Variants in SGIP1 observed in about 807,000 individuals in gnomAD.
The protein encoded by SGIP1 is SH3-containing GRB2-like protein 3-interacting protein 1.
A neutral mutation model predicts 107.5 loss-of-function variants in SGIP1; 38 were observed. That is an observed-to-expected ratio of 0.35 (90% CI 0.27 to 0.46). The LOEUF (loss-of-function observed/expected upper bound fraction) is 0.46. SGIP1 is among the 20% of genes least tolerant of loss of function. The pLI is 1.00. For synonymous variants in SGIP1, 365 were observed against 366.1 expected, an observed-to-expected ratio of 1.00 and a Z score of 0.03; for missense variants, 929 against 1,019.5, an observed-to-expected ratio of 0.91 and a Z score of 1.21.
intron 1 of SGIP1, among the ~76,000 whole-genome samples, chr1:66,573,642 G>T (rs549105412): frequency 9.2e-5 from 14 of 152,042 alleles, no homozygotes; most frequent in Non-Finnish European, 8.8e-5. Context: ...ATTATCCTTC[G>T]CAAACTAATG....
intron 1 of SGIP1, among the ~76,000 whole-genome samples, chr1:66,550,135 G>A (rs956554902): frequency 6.6e-6 from 1 of 152,070 alleles, no homozygotes; most frequent in Non-Finnish European, 1.5e-5. Flanking sequence ...AGTCTTTCTT[G>A]TTCACCACTG....
chr1:66,671,835 T>C, intron 10 of SGIP1, 109 bp from the exon 11 acceptor site: 7 of 1,000,676 alleles, frequency 7.0e-6, no homozygotes, highest in East Asian at 2.6e-5. Flanking sequence ...TCATACTGAG[T>C]TGCTTATTGA....
At chr1:66,729,155 C>A in intron 19 of SGIP1, 109 bp from the exon 20 acceptor site, 1 of 1,249,198 alleles carries the variant, frequency 8.0e-7, no homozygotes, top group South Asian at 1.5e-5. Context: ...TGCCTTTTAT[C>A]TCTTCTGCTA....
At chr1:66,734,572 T>C (rs190906490) in intron 21 of SGIP1, among the ~76,000 whole-genome samples, 1 of 151,296 alleles carries the variant, frequency 6.6e-6, no homozygotes, top group Non-Finnish European at 1.5e-5. Flanking sequence ...TGGCACAATC[T>C]TGGCTCACTG....
chr1:66,718,970 G>A (rs1455204211), intron 18 of SGIP1, among the ~76,000 whole-genome samples: 1 of 152,094 alleles, frequency 6.6e-6, no homozygotes, highest in East Asian at 1.9e-4. Context: ...ACCACCTGCT[G>A]TACAAACTGT....
intron 1 of SGIP1, among the ~76,000 whole-genome samples, chr1:66,580,022 C>A (rs983750220): frequency 5.9e-5 from 9 of 152,164 alleles, no homozygotes; most frequent in Non-Finnish European, 1.3e-4. Context: ...ATCTAAGGCA[C>A]AATATACACA....
At chr1:66,648,249 TGCCAATA>T (rs1321819790) in intron 7 of SGIP1, among the ~76,000 whole-genome samples, 1 of 152,190 alleles carries the variant, frequency 6.6e-6, no homozygotes, top group Admixed American at 6.5e-5. Flanking sequence ...AGTTGAAGGC[TGCCAATA>T]GCCCTCCCAG....
At chr1:66,584,743 G>C (rs1466834511) in intron 1 of SGIP1, among the ~76,000 whole-genome samples, 2 of 152,116 alleles carry the variant, frequency 1.3e-5, no homozygotes, top group East Asian at 3.8e-4. Context: ...GATAGTGGTA[G>C]GTATATGAAG....
chr1:66,602,586 C>T (rs2066059676), intron 1 of SGIP1, among the ~76,000 whole-genome samples: 1 of 152,038 alleles, frequency 6.6e-6, no homozygotes, highest in Non-Finnish European at 1.5e-5. Context: ...CACATGTATA[C>T]ATATGTAACA....
chr1:66,600,147 G>A (rs952940677), intron 1 of SGIP1, among the ~76,000 whole-genome samples: 1 of 152,158 alleles, frequency 6.6e-6, no homozygotes, highest in African/African-American at 2.4e-5. Flanking sequence ...TGAACAGCAC[G>A]TTAAACAGTC....
intron 13 of SGIP1, among the ~76,000 whole-genome samples, chr1:66,677,606 G>A (rs1386476202): frequency 2.0e-5 from 3 of 152,228 alleles, no homozygotes; most frequent in Non-Finnish European, 4.4e-5. Flanking sequence ...GTAAATGTAT[G>A]TGAAAGTTGC....
At chr1:66,604,311 T>G (rs2066412555) in intron 1 of SGIP1, among the ~76,000 whole-genome samples, 1 of 152,168 alleles carries the variant, frequency 6.6e-6, no homozygotes, top group African/African-American at 2.4e-5. Flanking sequence ...ACCACTAGAA[T>G]GCACCAGCAA....
chr1:66,704,275 G>A (rs1347039350), intron 18 of SGIP1: 1 of 152,068 alleles, frequency 6.6e-6, no homozygotes, highest in Admixed American at 6.6e-5. Flanking sequence ...CTTGTCAGCA[G>A]GGATGATAAG....
intron 1 of SGIP1, among the ~76,000 whole-genome samples, chr1:66,565,334 C>T (rs1031398341): frequency 6.6e-6 from 1 of 151,888 alleles, no homozygotes; most frequent in African/African-American, 2.4e-5. Flanking sequence ...GCCTGATTTT[C>T]ATTTATTTTA....
intron 24 of SGIP1, 116 bp downstream of exon 24, chr1:66,741,552 C>A: frequency 1.8e-6 from 2 of 1,090,786 alleles, no homozygotes; most frequent in Non-Finnish European, 1.2e-6. Context: ...CACTCCCAAC[C>A]CCCATCCCAA....
chr1:66,733,377 T>G (rs1194499431), intron 20 of SGIP1, among the ~76,000 whole-genome samples: 1 of 152,202 alleles, frequency 6.6e-6, no homozygotes, highest in African/African-American at 2.4e-5. Context: ...ACGTATTCAG[T>G]TCCTTAATTG....
chr1:66,722,442 A>G (rs1449830499), intron 19 of SGIP1, among the ~76,000 whole-genome samples: 1 of 152,086 alleles, frequency 6.6e-6, no homozygotes, highest in Non-Finnish European at 1.5e-5. Flanking sequence ...TGTAAATACC[A>G]TGAGAGCTGG....
At chr1:66,718,526 T>C (rs983853425) in intron 18 of SGIP1, among the ~76,000 whole-genome samples, 2 of 152,122 alleles carry the variant, frequency 1.3e-5, no homozygotes, top group Non-Finnish European at 2.9e-5. Flanking sequence ...GAGCTTCTGT[T>C]TCCTCTTCTA....
chr1:66,695,625 T>A, intron 18 of SGIP1, 132 bp downstream of exon 18: 1 of 764,336 alleles, frequency 1.3e-6, no homozygotes, highest in Non-Finnish European at 2.0e-6. Context: ...CTATGGCTAC[T>A]TAGAAAATAT....
Sources: allele counts gnomAD v4.1 joint callset (sites outside exome capture counted in the v4.1 genomes callset), GRCh38; gene constraint gnomAD v4.1.1; transcripts MANE v1.5; gene names NCBI Gene and HGNC (gene_info 2026-07-23, HGNC 2026-07-21).